The following DYNC2I2 variants were observed in gnomAD, a reference collection of about 807,000 sequenced individuals.
DYNC2I2 encodes dynein 2 intermediate chain 2.
In DYNC2I2, 39 loss-of-function variants were observed where a neutral mutation model predicts 52.0. The ratio of observed to expected loss-of-function variants is 0.75; its 90% CI spans 0.58 to 0.98. The LOEUF (loss-of-function observed/expected upper bound fraction) is 0.98. Ranked by LOEUF, DYNC2I2 falls within the 50% of genes least tolerant of loss-of-function variation. DYNC2I2 has a pLI of 0.00. For synonymous variants in DYNC2I2, 359 were observed against 321.1 expected, an observed-to-expected ratio of 1.12 and a Z score of -1.26; for missense variants, 743 against 728.4, an observed-to-expected ratio of 1.02 and a Z score of -0.23.
the DYNC2I2 span, among the ~76,000 whole-genome samples, chr9:128,672,293 C>CTAAAATTTTT: frequency 1.3e-5 from 2 of 151,878 alleles, no homozygotes; most frequent in Non-Finnish European, 2.9e-5. Context: ...TTAGTAGAGA[C>CTAAAATTTTT]AGGGTTTCAC....
the DYNC2I2 span, among the ~76,000 whole-genome samples, chr9:128,664,617 T>G: frequency 6.6e-6 from 1 of 151,742 alleles, no homozygotes; most frequent in Non-Finnish European, 1.5e-5. Context: ...CCCAAGTAGC[T>G]CGCTTTACAG....
chr9:128,683,544 G>C, the DYNC2I2 span: 2 of 261,232 alleles, frequency 7.7e-6, no homozygotes, highest in African/African-American at 4.4e-5. Context: ...CTGGGGGTTT[G>C]GGAACGAACT....
chr9:128,640,987 A>C (rs1478673451), intron 1 of DYNC2I2, 48 bp from the exon 2 acceptor site: 1 of 1,536,140 alleles, frequency 6.5e-7, no homozygotes, highest in African/African-American at 1.4e-5. Context: ...GTCCTCGCAC[A>C]GCCCCCACCC....
intron 5 of DYNC2I2, 146 bp downstream of exon 5, chr9:128,635,512 G>T (rs1021081382): frequency 1.2e-6 from 1 of 830,354 alleles, no homozygotes. Flanking sequence ...TGGCTCCTGA[G>T]GGGGGTGACT....
At chr9:128,669,909 G>GCA in the DYNC2I2 span, among the ~76,000 whole-genome samples, 4 of 152,140 alleles carry the variant, frequency 2.6e-5, no homozygotes, top group Non-Finnish European at 5.9e-5. Flanking sequence ...TTGAAATCCT[G>GCA]AGCTTGTGAT....
In DYNC2I2 at chr9:128,652,850, G is replaced by A. The variant is rs908683098; in HGVS notation, c.186+3691C>T. Among the ~76,000 whole-genome samples the A allele has an allele frequency of 9.3e-5, 14 of 150,326 alleles. 1 individual carries two copies. The highest frequency in any genetic ancestry group is 2.0e-4 in the Admixed American group (3 of 15,106). On this transcript the variant is annotated intron_variant, in intron 1 of 8. Coordinates refer to ENST00000372715, the MANE Select transcript of DYNC2I2 (RefSeq NM_052844.4). ...GGAGAATCACTTGAACCCGGGAGGC[G>A]GAGGTTGCAGTGAGCCAAGATCATG...
At chr9:128,638,474 G>A (rs1389759365) in intron 2 of DYNC2I2, among the ~76,000 whole-genome samples, 8 of 151,146 alleles carry the variant, frequency 5.3e-5, no homozygotes, top group African/African-American at 2.0e-4. Flanking sequence ...CCCAGATCAC[G>A]CCATTGCACT....
At chr9:128,677,216 C>A in the DYNC2I2 span, among the ~76,000 whole-genome samples, 1 of 135,098 alleles carries the variant, frequency 7.4e-6, no homozygotes, top group Non-Finnish European at 1.6e-5. Flanking sequence ...AACTCTGTCT[C>A]AAAAAAAAAA....
the DYNC2I2 span, among the ~76,000 whole-genome samples, chr9:128,677,398 T>C: frequency 6.6e-6 from 1 of 152,016 alleles, no homozygotes; most frequent in Non-Finnish European, 1.5e-5. Flanking sequence ...GACATGAGAA[T>C]TGCTTGAACC....
rs1291913567 is a variant in DYNC2I2 at position 128,648,550 on chromosome 9, C to T, written c.187-7611G>A. Among the ~76,000 whole-genome samples the T allele has an allele frequency of 2.7e-5, 4 of 149,470 alleles. No individual in the cohort carries two copies. The East Asian group carries it at 6.0e-4, about 22-fold the overall frequency. ...CCTGTAATCCTAGGCCTTTGGGAGG[C>T]CGAGGCAGGCAGATCACTTGAGGCC... On this transcript the variant is annotated intron_variant, in intron 1 of 8. Coordinates refer to ENST00000372715, the MANE Select transcript of DYNC2I2 (RefSeq NM_052844.4).
chr9:128,633,910 T>C lies in DYNC2I2; in HGVS notation c.1445A>G (p.Glu482Gly). The C allele has an allele frequency of 6.2e-7, 1 of 1,613,338 alleles. No individual in the cohort carries two copies. The highest frequency in any genetic ancestry group is 8.5e-7 in the Non-Finnish European group (1 of 1,180,034). ...PTVLIKQTQD[E>G]SPVYCLEFNS... is the part of the protein sequence containing the mutation. ...GAACTCCAGACAGTAGACAGGGCTT[T>C]CATCCTGGGTTTGCTTGATCAAAAC... is the stretch of plus-strand genomic sequence containing the variant. The change falls in exon 9 of 9, where the codon GAA becomes GGA. Residue 482 changes from glutamate to glycine, a missense_variant. Glu to Gly is a moderately conservative substitution (Grantham distance 98). Coordinates refer to ENST00000372715, the MANE Select transcript of DYNC2I2 (RefSeq NM_052844.4).
At chr9:128,680,959 A>G in the DYNC2I2 span, among the ~76,000 whole-genome samples, 1 of 152,130 alleles carries the variant, frequency 6.6e-6, no homozygotes, top group African/African-American at 2.4e-5. Context: ...TACAGGCGTG[A>G]GCCGCCACAC....
intron 1 of DYNC2I2, among the ~76,000 whole-genome samples, chr9:128,648,968 T>C (rs1006047925): frequency 6.6e-6 from 1 of 152,036 alleles, no homozygotes; most frequent in African/African-American, 2.4e-5. Context: ...CAATTCAGCA[T>C]TTCCTAGGCA....
chr9:128,657,102 TCTGG>T, upstream of DYNC2I2, among the ~76,000 whole-genome samples: 1 of 152,322 alleles, frequency 6.6e-6, no homozygotes, highest in Admixed American at 6.5e-5. Context: ...GGAGCGCAGA[TCTGG>T]CTGAGCAGCT....
the DYNC2I2 span, among the ~76,000 whole-genome samples, chr9:128,674,902 C>T: frequency 6.6e-6 from 1 of 152,004 alleles, no homozygotes; most frequent in Non-Finnish European, 1.5e-5. Flanking sequence ...AAGGAATACT[C>T]AGGAGCCAGA....
At chr9:128,635,600 G>A (rs1589429222) in intron 5 of DYNC2I2, 58 bp downstream of exon 5, 1 of 1,477,252 alleles carries the variant, frequency 6.8e-7, no homozygotes, top group East Asian at 2.5e-5. Context: ...AGGAGAGTGG[G>A]CGCCCTCTCC....
the DYNC2I2 span, among the ~76,000 whole-genome samples, chr9:128,676,263 G>A: frequency 6.6e-6 from 1 of 152,116 alleles, no homozygotes; most frequent in Non-Finnish European, 1.5e-5. Context: ...GCCAAGGTGG[G>A]TGGATCATCT....
rs1461835145 is a variant in DYNC2I2 at position 128,639,229 on chromosome 9, T to A, written c.435+1462A>T. On this transcript the variant is annotated intron_variant, in intron 2 of 8. Coordinates refer to ENST00000372715, the MANE Select transcript of DYNC2I2 (RefSeq NM_052844.4). ...AACCTGACCAACATGGTGAAATCCA[T>A]CTCTACCAAAAATACAAAATTAGCC... Among the ~76,000 whole-genome samples, 3 of 151,724 alleles carry A rather than the reference T, an allele frequency of 2.0e-5. No homozygotes were observed. In the East Asian group the frequency reaches 5.8e-4, roughly 29 times the overall value.
chr9:128,646,605 A>T (rs1300393021), intron 1 of DYNC2I2, among the ~76,000 whole-genome samples: 2 of 152,130 alleles, frequency 1.3e-5, no homozygotes, highest in Non-Finnish European at 2.9e-5. Context: ...AGACAGGCTG[A>T]CTCTCTTGTT....
Sources: gnomAD v4.1 joint callset for allele counts (sites outside exome capture counted in the v4.1 genomes callset) on GRCh38, gnomAD v4.1.1 for gene constraint, MANE v1.5 for transcripts, NCBI Gene and HGNC (gene_info 2026-07-23, HGNC 2026-07-21) for gene names.